The following NRG1 variants were observed in gnomAD, a reference collection of about 807,000 sequenced individuals.
NRG1 encodes the protein pro-neuregulin-1, membrane-bound isoform.
Under a neutral mutation model 63.8 loss-of-function variants are expected in NRG1, and 18 were observed. The ratio of observed to expected loss-of-function variants is 0.28; its 90% CI spans 0.19 to 0.42. The LOEUF (loss-of-function observed/expected upper bound fraction) is 0.42, where lower values mean the gene tolerates loss of function less well. NRG1 is among the 10% of genes least tolerant of loss of function. The pLI is 1.00. For synonymous variants in NRG1, 302 were observed against 301.3 expected (o/e 1.00, Z -0.02); for missense variants, 762 against 814.7 (o/e 0.94, Z 0.79).
At chr8:31,831,263 G>A (rs1030928742) in intron 1 of NRG1, among the ~76,000 whole-genome samples, 4 of 151,854 alleles carry the variant, frequency 2.6e-5, no homozygotes, top group Non-Finnish European at 5.9e-5. Context: ...CACCATGCCC[G>A]GCTAATTTTT....
intron 1 of NRG1, among the ~76,000 whole-genome samples, chr8:32,407,276 T>G: frequency 2.2e-5 from 1 of 45,146 alleles, no homozygotes; most frequent in South Asian, 5.7e-4. Flanking sequence ...ATATATATAT[T>G]ATATATATAT....
At chr8:31,794,843 C>T (rs564394049) in intron 1 of NRG1, among the ~76,000 whole-genome samples, 1 of 152,196 alleles carries the variant, frequency 6.6e-6, no homozygotes, top group South Asian at 2.1e-4. Context: ...CACTCTATCA[C>T]CCAGGCTGGA....
In NRG1 at chr8:32,312,601, G is replaced by A. The variant is rs553810000; in HGVS notation, c.38-283227G>A. Among the ~76,000 whole-genome samples the A allele has an allele frequency of 2.0e-5, 3 of 152,170 alleles. No individual in the cohort carries two copies. In the East Asian group the frequency reaches 5.8e-4, roughly 30 times the overall value. ...TTTGTGCCATTTGCTCCATGTCACT[G>A]AGGCAGGACAGCCCTGTGTGGCTCC... On this transcript the variant is annotated intron_variant, in intron 1 of 10. Transcript: ENST00000519301.
chr8:32,626,307 G>A (rs73590606), intron 5 of NRG1, among the ~76,000 whole-genome samples: 4,717 of 151,782 alleles, frequency 0.031, 142 homozygotes, highest in African/African-American at 0.081. Context: ...ATAATGACAC[G>A]TAATCATAAT....
exon 12 of NRG1, chr8:32,763,920 G>C (rs377596065): frequency 6.2e-7 from 1 of 1,613,942 alleles, no homozygotes; most frequent in Non-Finnish European, 8.5e-7. Context: ...TCTACTTCTC[G>C]TGACACCACC....
intron 1 of NRG1, among the ~76,000 whole-genome samples, chr8:31,856,459 T>C (rs556877968): frequency 6.6e-6 from 1 of 152,364 alleles, no homozygotes; most frequent in South Asian, 2.1e-4. Context: ...GGTTTTTAGC[T>C]CCATCAGCTC....
chr8:32,271,147 C>T (rs2079030947), intron 1 of NRG1, among the ~76,000 whole-genome samples: 1 of 151,966 alleles, frequency 6.6e-6, no homozygotes, highest in African/African-American at 2.4e-5. Context: ...CTAGGTCTTC[C>T]TAAACCAGAG....
At chr8:31,742,827 G>A (rs1300797100) in intron 1 of NRG1, among the ~76,000 whole-genome samples, 1 of 151,960 alleles carries the variant, frequency 6.6e-6, no homozygotes, top group Non-Finnish European at 1.5e-5. Context: ...GCTTGCACAT[G>A]TGGGACATTT....
chr8:31,678,226 G>C (rs1031846272), intron 1 of NRG1, among the ~76,000 whole-genome samples: 25 of 152,024 alleles, frequency 1.6e-4, no homozygotes, highest in Non-Finnish European at 3.4e-4. Context: ...CCATGGTCAA[G>C]TTAGCATAGG....
intron 1 of NRG1, among the ~76,000 whole-genome samples, chr8:32,363,145 A>G (rs940691934): frequency 6.6e-6 from 1 of 152,166 alleles, no homozygotes; most frequent in African/African-American, 2.4e-5. Context: ...TCCATACTGT[A>G]AAACTGTCTT....
intron 1 of NRG1, among the ~76,000 whole-genome samples, chr8:32,365,813 CAGA>C (rs986659952): frequency 6.6e-6 from 1 of 152,164 alleles, no homozygotes; most frequent in African/African-American, 2.4e-5. Context: ...ACCCTTGGTG[CAGA>C]AGATTACTTA....
At chr8:31,693,231 G>A (rs539258854) in intron 1 of NRG1, among the ~76,000 whole-genome samples, 44 of 152,254 alleles carry the variant, frequency 2.9e-4, no homozygotes, top group Non-Finnish European at 3.4e-4. Flanking sequence ...CCTTTTCTAT[G>A]GGCTGAGGGG....
intron 1 of NRG1, among the ~76,000 whole-genome samples, chr8:32,030,020 C>G (rs1586598400): frequency 6.6e-6 from 1 of 152,132 alleles, no homozygotes; most frequent in East Asian, 1.9e-4. Context: ...TATTTGCCTA[C>G]TTATTTATAT....
At chr8:32,369,409 C>T (rs1351977467) in intron 1 of NRG1, among the ~76,000 whole-genome samples, 1 of 152,222 alleles carries the variant, frequency 6.6e-6, no homozygotes, top group Non-Finnish European at 1.5e-5. Context: ...TTTTCCAAAA[C>T]ATATAAAGGA....
At chr8:31,758,395 C>T (rs1386106299) in intron 1 of NRG1, among the ~76,000 whole-genome samples, 1 of 152,068 alleles carries the variant, frequency 6.6e-6, no homozygotes, top group African/African-American at 2.4e-5. Flanking sequence ...AAATCATTCT[C>T]CTATAAAGAC....
intron 1 of NRG1, among the ~76,000 whole-genome samples, chr8:32,122,922 T>A (rs909186424): frequency 6.6e-6 from 1 of 151,848 alleles, no homozygotes; most frequent in Non-Finnish European, 1.5e-5. Context: ...ATGATTTCCA[T>A]TTTCATCCAT....
chr8:31,988,772 C>T (rs1810519377), intron 1 of NRG1, among the ~76,000 whole-genome samples: 1 of 152,076 alleles, frequency 6.6e-6, no homozygotes, highest in African/African-American at 2.4e-5. Flanking sequence ...ATAATAAACA[C>T]ATGATTCTGA....
chr8:32,041,357 G>T (rs1246681183), intron 1 of NRG1, among the ~76,000 whole-genome samples: 1 of 152,172 alleles, frequency 6.6e-6, no homozygotes, highest in African/African-American at 2.4e-5. Flanking sequence ...AACATACTGT[G>T]CCCTGTCTGT....
intron 1 of NRG1, among the ~76,000 whole-genome samples, chr8:32,531,886 C>A (rs1831489011): frequency 6.6e-6 from 1 of 152,150 alleles, no homozygotes; most frequent in South Asian, 2.1e-4. Flanking sequence ...AGAACAAACA[C>A]AGAAAACTTC....
Sources: allele counts gnomAD v4.1 joint callset (sites outside exome capture counted in the v4.1 genomes callset), GRCh38; gene constraint gnomAD v4.1.1; transcripts MANE v1.5; gene names NCBI Gene and HGNC (gene_info 2026-07-23, HGNC 2026-07-21).